Variants in POLR3A observed in about 807,000 individuals in gnomAD.
POLR3A encodes RNA polymerase III subunit A.
POLR3A carries 112 observed loss-of-function variants against 152.8 expected under a neutral mutation model. The ratio of observed to expected loss-of-function variants is 0.73; its 90% CI spans 0.63 to 0.86. The LOEUF (loss-of-function observed/expected upper bound fraction) is 0.86, where lower values mean the gene tolerates loss of function less well. Among genes scored for constraint, POLR3A ranks in the 40% least tolerant of loss-of-function variants. The pLI is 0.00. For missense variants in POLR3A, 1,385 were observed against 1,743.1 expected (o/e 0.79, Z 3.66); for synonymous variants, 615 against 652.1 (o/e 0.94, Z 0.87).
At chr10:78,008,013 G>GGT in intron 14 of POLR3A, 147 bp from the exon 15 acceptor site, 1 of 498,520 alleles carries the variant, frequency 2.0e-6, no homozygotes, top group South Asian at 2.5e-5. Context: ...TTTTTTTGGG[G>GGT]GGAGGGAGGG....
chr10:78,025,985 G>T (rs954428472), intron 2 of POLR3A, 109 bp downstream of exon 2: 2 of 1,383,058 alleles, frequency 1.4e-6, no homozygotes, highest in Non-Finnish European at 2.0e-6. Flanking sequence ...ATATGTGCAG[G>T]GGGGAATTGA....
intron 8 of POLR3A, among the ~76,000 whole-genome samples, 188 bp downstream of exon 8, chr10:78,021,358 T>C (rs538273098): frequency 2.0e-5 from 3 of 152,180 alleles, no homozygotes; most frequent in Non-Finnish European, 4.4e-5. Flanking sequence ...TGGCTGCAAA[T>C]GGTTTACAGA....
intron 8 of POLR3A, chr10:78,019,955 C>T (rs1847562146): frequency 1.3e-5 from 2 of 152,034 alleles, no homozygotes; most frequent in African/African-American, 4.8e-5. Flanking sequence ...GGGTGGATCA[C>T]TTGAGGTCAG....
At chr10:78,027,395 C>G (rs1433761624) in intron 1 of POLR3A, among the ~76,000 whole-genome samples, 1 of 152,002 alleles carries the variant, frequency 6.6e-6, no homozygotes, top group East Asian at 1.9e-4. Flanking sequence ...TGCGGTGGCT[C>G]ATGCCTGTAA....
In POLR3A at chr10:78,022,030, C is replaced by T; in HGVS notation, c.886-8G>A. 6.2e-7 allele frequency: 1 copy of T among 1,614,176 alleles called. No individual in the cohort carries two copies. Among genetic ancestry groups the T allele is most frequent in the East Asian group, 2.2e-5 (1 of 44,884 alleles). Reference sequence around the variant, plus strand: ...GGCTCCTGAGATCCGATGCTAAAACCAGCACAGCCCAAACAGAAACAAACC... The same window carrying T: ...GGCTCCTGAGATCCGATGCTAAAACTAGCACAGCCCAAACAGAAACAAACC... On this transcript the variant is annotated splice_polypyrimidine_tract_variant and splice_region_variant and intron_variant, in intron 6 of 30. Transcript: ENST00000372371.
At chr10:78,029,255 C>G in intron 1 of POLR3A, 109 bp downstream of exon 1, 1 of 1,097,630 alleles carries the variant, frequency 9.1e-7, no homozygotes, top group Non-Finnish European at 1.4e-6. Context: ...GACTACTGGC[C>G]CTCCCCTTCC....
At chr10:78,024,190 C>T (rs886193852) in intron 5 of POLR3A, among the ~76,000 whole-genome samples, 2 of 151,658 alleles carry the variant, frequency 1.3e-5, no homozygotes, top group East Asian at 1.9e-4. Context: ...ATGGGGAAAC[C>T]CTGTCTCTAC....
chr10:77,981,429 TTG>T lies in POLR3A; in HGVS notation c.3888_3889del (p.Tyr1296Ter), dbSNP rs1472851090. 1 of 1,614,054 alleles carries T rather than the reference TTG, an allele frequency of 6.2e-7. No homozygotes were observed. Among genetic ancestry groups the T allele is most frequent in the South Asian group, 1.1e-5 (1 of 91,074 alleles). On this transcript the variant is annotated stop_gained and frameshift_variant and splice_region_variant, in exon 29 of 31. Transcript: ENST00000372371. LOFTEE classifies it high-confidence loss of function. The stretch of plus-strand genomic sequence containing the variant: ...CCCGGGGGCCTCCTGCCCACATACC[TTG>T]TAGGTCATGAGGTCGGAGAGCAGCA...
chr10:77,993,469 T>G (rs1302759544), intron 19 of POLR3A, 102 bp from the exon 20 acceptor site: 5 of 846,788 alleles, frequency 5.9e-6, no homozygotes, highest in African/African-American at 1.7e-5. Context: ...ACAAGCACTT[T>G]AATCACATAA....
At chr10:77,991,006 T>G (rs1343758826) in intron 21 of POLR3A, 48 bp downstream of exon 21, 1 of 1,067,452 alleles carries the variant, frequency 9.4e-7, no homozygotes, top group Non-Finnish European at 1.5e-6. Flanking sequence ...ACAGAGTTCT[T>G]TACGACAGCC....
At chr10:77,990,032 T>C (rs1272333914) in intron 21 of POLR3A, among the ~76,000 whole-genome samples, 1 of 152,210 alleles carries the variant, frequency 6.6e-6, no homozygotes, top group Non-Finnish European at 1.5e-5. Context: ...TCGCTGTTTT[T>C]ATTTTTGATC....
Position 78,004,885 on chromosome 10 carries a change from T to G in POLR3A, c.2078A>C (p.Asn693Thr). The G allele has an allele frequency of 1.2e-6, 2 of 1,614,060 alleles. No individual in the cohort carries two copies. Among genetic ancestry groups the G allele is most frequent in the Non-Finnish European group, 1.7e-6 (2 of 1,179,918 alleles). ...LARLAPVYLSNRGFSIGIGDV... is the reference protein window; with the variant it reads ...LARLAPVYLSTRGFSIGIGDV... ...ACCGATCCCAATTGAGAAACCACGG[T>G]TAGCTGTTGAGTTGGTAGAGCAGGA... Residue 693 changes from asparagine (N) to threonine (T), a missense_variant, in exon 16 of 31, where the codon AAC (asparagine) becomes ACC (threonine). Around this residue, in one of 7 missense-constraint regions of POLR3A, gnomAD observed 170 missense variants for 231.2 expected, o/e 0.74. Transcript: ENST00000372371.
intron 10 of POLR3A, among the ~76,000 whole-genome samples, chr10:78,016,331 G>A (rs1332665085): frequency 6.6e-6 from 1 of 151,542 alleles, no homozygotes. Context: ...CACTCTGGGA[G>A]GCTAAGGTGG....
chr10:77,999,135 A>T lies in POLR3A; in HGVS notation c.2616+846T>A, dbSNP rs1185176963. On this transcript the variant is annotated intron_variant, in intron 19 of 30. Transcript: ENST00000372371. The stretch of plus-strand genomic sequence containing the variant: ...ATGGACACAGGAAGGGGAACATCAC[A>T]CACCGGGGACTGTTGTGGGGTAGGG... Among the ~76,000 whole-genome samples the T allele has an allele frequency of 2.6e-5, 4 of 152,150 alleles. No homozygotes were observed. The East Asian group carries it at 7.8e-4, about 30-fold the overall frequency.
intron 28 of POLR3A, 136 bp from the exon 29 acceptor site, chr10:77,981,695 C>A: frequency 9.4e-7 from 1 of 1,063,468 alleles, no homozygotes; most frequent in Non-Finnish European, 1.4e-6. Context: ...GGGCAATTTT[C>A]AGTTGCAGAC....
chr10:77,998,989 A>G (rs925968680), intron 19 of POLR3A, among the ~76,000 whole-genome samples: 18 of 152,246 alleles, frequency 1.2e-4, no homozygotes, highest in Admixed American at 2.6e-4. Context: ...TGATGAGTTC[A>G]CGTCCTTTGT....
intron 11 of POLR3A, among the ~76,000 whole-genome samples, chr10:78,011,588 A>G (rs1320850559): frequency 1.3e-5 from 2 of 152,172 alleles, no homozygotes; most frequent in Non-Finnish European, 2.9e-5. Context: ...ACAGCTATTT[A>G]GCCAGATGTG....
At position 77,981,597 on chromosome 10, in the gene POLR3A, CG is replaced by C. The variant is rs755976439; in HGVS notation, c.3760-39del. ...AGTAATGAGCAGAAGCAGCCCCTTC[CG>C]GGAGGCCACTGCAAATTCTCTCCAC... On this transcript the variant is annotated intron_variant, in intron 28 of 30. Coordinates refer to ENST00000372371, the MANE Select transcript of POLR3A (RefSeq NM_007055.4). 9 of 1,612,230 alleles carry C rather than the reference CG, an allele frequency of 5.6e-6. No homozygotes were observed. In the Admixed American group the frequency reaches 1.5e-4, roughly 27 times the overall value.
At chr10:78,018,773 G>T (rs1316295453) in intron 9 of POLR3A, among the ~76,000 whole-genome samples, 1 of 152,036 alleles carries the variant, frequency 6.6e-6, no homozygotes. Context: ...AGTAGAAAAG[G>T]GGTTTCTTTG....
Sources: gnomAD v4.1 joint callset for allele counts (sites outside exome capture counted in the v4.1 genomes callset) on GRCh38, gnomAD v4.1.1 for gene constraint, gnomAD v4.1.1 regional missense constraint, MANE v1.5 for transcripts, NCBI Gene and HGNC (gene_info 2026-07-23, HGNC 2026-07-21) for gene names.